Variants in VPS13C observed in about 807,000 individuals in gnomAD.
The protein encoded by VPS13C is vacuolar protein sorting 13 homolog C.
VPS13C carries 358 observed loss-of-function variants against 456.8 expected under a neutral mutation model. The observed-to-expected ratio is 0.78, with a 90% CI of 0.72 to 0.86. VPS13C has a LOEUF of 0.86. Among genes scored for constraint, VPS13C ranks in the 40% least tolerant of loss-of-function variants. The pLI is 0.00. For missense variants in VPS13C, 4,818 were observed against 4,385.4 expected, an observed-to-expected ratio of 1.10 and a Z score of -2.79; for synonymous variants, 1,578 against 1,486.7, an observed-to-expected ratio of 1.06 and a Z score of -1.41.
Position 61,867,472 on chromosome 15 carries a change from A to C in VPS13C, c.10863+1187T>G. ...GCTCCAGGTAATAGTCCCGTAACTT[A>C]AGCAAATTTAGAGCCATTTGTGAAA... On this transcript the variant is annotated intron_variant, in intron 81 of 84. Transcript: ENST00000644861. The surrounding 1 kb of genome is among the most constrained non-coding windows in gnomAD (Gnocchi z 5.0). 1 of 988,002 alleles carries C rather than the reference A, an allele frequency of 1.0e-6. No homozygotes were observed. Among genetic ancestry groups the C allele is most frequent in the Non-Finnish European group, 1.2e-6 (1 of 831,872 alleles). 61.2% of individuals were successfully genotyped at this position (988,002 alleles called of 1,614,324 possible). A position where few individuals can be genotyped will look rare whatever the true frequency, so the allele number is the denominator to read the frequency against.
intron 16 of VPS13C, among the ~76,000 whole-genome samples, chr15:61,995,529 T>C (rs932343598): frequency 6.6e-6 from 1 of 152,344 alleles, no homozygotes; most frequent in African/African-American, 2.4e-5. Context: ...CACAAGACTT[T>C]AGTGACCATC....
At chr15:62,016,355 C>T (rs2047247705) in intron 9 of VPS13C, among the ~76,000 whole-genome samples, 1 of 151,916 alleles carries the variant, frequency 6.6e-6, no homozygotes, top group Non-Finnish European at 1.5e-5. Flanking sequence ...ATGTGCCATG[C>T]TGGTGTGCTG....
Position 61,866,650 on chromosome 15 carries a change from G to T in VPS13C, c.10863+2009C>A, listed in dbSNP as rs909116022. On this transcript the variant is annotated intron_variant, in intron 81 of 84. Coordinates refer to ENST00000644861, the MANE Select transcript of VPS13C (RefSeq NM_020821.3). ...CCAATGCTAAATTATCTAGGCACAA[G>T]AAAGGTTTGTCAGCTACTTTTAACA... The T allele has an allele frequency of 6.1e-6, 6 of 985,012 alleles. No individual in the cohort carries two copies. In the African/African-American group the frequency reaches 1.0e-4, roughly 17 times the overall value. 61.0% of individuals were successfully genotyped at this position (985,012 alleles called of 1,614,324 possible).
In VPS13C at chr15:61,943,409, C is replaced by G. The variant is rs1438778993; in HGVS notation, c.5149-1342G>C. 2.0e-5 allele frequency among the ~76,000 whole-genome samples: 3 copies of G among 152,032 alleles called. No individual in the cohort carries two copies. The East Asian group carries it at 5.8e-4, about 29-fold the overall frequency. The stretch of plus-strand genomic sequence containing the variant: ...TAACCCAAACAGCATGGTACTGGTA[C>G]AAAAGCAGACAAACAGACCAAGGGA... On this transcript the variant is annotated intron_variant, in intron 45 of 84. Coordinates refer to ENST00000644861, the MANE Select transcript of VPS13C (RefSeq NM_020821.3).
chr15:61,992,803 A>T (rs1425973249), intron 16 of VPS13C, among the ~76,000 whole-genome samples: 1 of 152,116 alleles, frequency 6.6e-6, no homozygotes, highest in African/African-American at 2.4e-5. Flanking sequence ...AAAAAATGCC[A>T]AAGCCAAAGC....
Position 61,991,097 on chromosome 15 carries a change from A to G in VPS13C, c.1484-3T>C, listed in dbSNP as rs780470764. 2 of 1,583,174 alleles carry G rather than the reference A, an allele frequency of 1.3e-6. No homozygotes were observed. Among genetic ancestry groups the G allele is most frequent in the East Asian group, 2.2e-5 (1 of 44,522 alleles). ...TGGAGTCATAAGGTCATCAATAGCT[A>G]TGAAAAAACAACATTTTAAGAAATT... is the stretch of plus-strand genomic sequence containing the variant. On this transcript the variant is annotated splice_region_variant and splice_polypyrimidine_tract_variant and intron_variant, in intron 17 of 84. Transcript: ENST00000644861.
At chr15:61,865,102 A>G in intron 81 of VPS13C, 1 of 985,024 alleles carries the variant, frequency 1.0e-6, no homozygotes, top group Non-Finnish European at 1.2e-6. Context: ...TTCAGTCACT[A>G]ATGGCAGCAG....
intron 36 of VPS13C, 47 bp downstream of exon 36, chr15:61,959,401 A>AG (rs1225439809): frequency 6.7e-7 from 1 of 1,486,714 alleles, no homozygotes; most frequent in East Asian, 2.3e-5. Flanking sequence ...AAGTCTTTGG[A>AG]GTTTAAAATT....
At chr15:62,004,392 C>T (rs1429270673) in intron 15 of VPS13C, among the ~76,000 whole-genome samples, 1 of 152,050 alleles carries the variant, frequency 6.6e-6, no homozygotes, top group Non-Finnish European at 1.5e-5. Flanking sequence ...TTTATTGCAT[C>T]TATTTGATTC....
In VPS13C at chr15:62,060,319, A is replaced by G; in HGVS notation, c.56T>C (p.Val19Ala). Residue 19 changes from valine to alanine, a missense_variant, in exon 1 of 85, where the codon GTG (valine) becomes GCG (alanine). By Grantham distance (64) the Val-to-Ala change is moderately conservative. Around this residue, in one of 3 missense-constraint regions of VPS13C, gnomAD observed 4,552 missense variants for 4,130.6 expected, o/e 1.10. Coordinates refer to ENST00000644861, the MANE Select transcript of VPS13C (RefSeq NM_020821.3). ...CAGCTGGGACTTGTTCAGGTTCTCC[A>G]CATAGTCCCCCAGGAAGCGGTTCAG... ...DLLNRFLGDY[V>A]ENLNKSQLKL... 6 of 1,607,864 alleles carry G rather than the reference A, an allele frequency of 3.7e-6. No homozygotes were observed. Among genetic ancestry groups the G allele is most frequent in the Non-Finnish European group, 5.1e-6 (6 of 1,177,574 alleles).
chr15:61,903,196 G>A (rs144961933), intron 66 of VPS13C, among the ~76,000 whole-genome samples: 316 of 151,822 alleles, frequency 2.1e-3, no homozygotes, highest in African/African-American at 7.1e-3. Flanking sequence ...AAAAACGCTG[G>A]GCTTGGTGGT....
At chr15:61,981,686 C>T (rs2045893210) in intron 21 of VPS13C, among the ~76,000 whole-genome samples, 1 of 151,966 alleles carries the variant, frequency 6.6e-6, no homozygotes, top group Non-Finnish European at 1.5e-5. Context: ...CGGTGAAACC[C>T]CGTCTGTACT....
At chr15:61,901,318 C>T (rs1451720357) in intron 66 of VPS13C, among the ~76,000 whole-genome samples, 1 of 152,070 alleles carries the variant, frequency 6.6e-6, no homozygotes, top group Non-Finnish European at 1.5e-5. Context: ...TCAGAGTGAA[C>T]AGGCAACCTA....
At chr15:61,878,566 T>C in intron 74 of VPS13C, 41 bp downstream of exon 74, 5 of 1,595,532 alleles carry the variant, frequency 3.1e-6, no homozygotes, top group Middle Eastern at 3.3e-4. Flanking sequence ...AACATGACCT[T>C]GGTACACCTG....
chr15:61,986,710 T>C (rs1305546107), intron 18 of VPS13C, among the ~76,000 whole-genome samples: 2 of 151,906 alleles, frequency 1.3e-5, no homozygotes, highest in Non-Finnish European at 2.9e-5. Context: ...AAATCTAAGG[T>C]AAAGAGATTT....
intron 66 of VPS13C, among the ~76,000 whole-genome samples, chr15:61,894,071 C>A (rs1365912193): frequency 6.6e-6 from 1 of 151,864 alleles, no homozygotes; most frequent in Non-Finnish European, 1.5e-5. Flanking sequence ...TTTGGGAGGC[C>A]GAGGTGGGCG....
intron 51 of VPS13C, 137 bp from the exon 52 acceptor site, chr15:61,927,457 TA>T: frequency 1.6e-6 from 1 of 626,816 alleles, no homozygotes; most frequent in South Asian, 2.0e-5. Context: ...ATTAATTGGT[TA>T]ATTAATACTA....
At chr15:61,925,013 ATC>A (rs2043797934) in intron 53 of VPS13C, among the ~76,000 whole-genome samples, 2 of 152,224 alleles carry the variant, frequency 1.3e-5, no homozygotes, top group African/African-American at 2.4e-5. Context: ...TCTAGTGTAC[ATC>A]TGTCATTATA....
intron 26 of VPS13C, 140 bp downstream of exon 26, chr15:61,973,314 C>A: frequency 1.6e-6 from 1 of 636,636 alleles, no homozygotes; most frequent in Non-Finnish European, 2.6e-6. Context: ...CTCAGAGTCA[C>A]ACTAATGTAG....
Sources: allele counts gnomAD v4.1 joint callset (sites outside exome capture counted in the v4.1 genomes callset), GRCh38; gene constraint gnomAD v4.1.1; regional missense constraint gnomAD v4.1.1; non-coding constraint Gnocchi (gnomAD v3.1); transcripts MANE v1.5; gene names NCBI Gene and HGNC (gene_info 2026-07-23, HGNC 2026-07-21).